Variants in ABHD6 observed in about 807,000 individuals in gnomAD.
The protein encoded by ABHD6 is abhydrolase domain containing 6, acylglycerol lipase, also known as monoacylglycerol lipase ABHD6.
ABHD6 carries 33 observed loss-of-function variants against 38.8 expected under a neutral mutation model. The ratio of observed to expected loss-of-function variants is 0.85; its 90% CI spans 0.64 to 1.14. The LOEUF (loss-of-function observed/expected upper bound fraction) is 1.14. ABHD6 is among the 50% of genes most tolerant of loss of function. The pLI is 0.00. For missense variants in ABHD6, 380 were observed against 422.6 expected (o/e 0.90, Z 0.88); for synonymous variants, 147 against 161.6 (o/e 0.91, Z 0.69).
At chr3:58,254,000 A>G (rs771409884) in intron 2 of ABHD6, among the ~76,000 whole-genome samples, 1 of 152,242 alleles carries the variant, frequency 6.6e-6, no homozygotes, top group Non-Finnish European at 1.5e-5. Context: ...TGGAGAGCTC[A>G]TATCTTCATT....
Position 58,267,142 on chromosome 3 carries a change from C to T in ABHD6, c.120-47C>T. ...CTGTGCCCATCTTGAAGCCACTCATCTAGAGCTTACTGATTTCGTTTTGTC... is the reference window on the plus strand; with the variant it reads ...CTGTGCCCATCTTGAAGCCACTCATTTAGAGCTTACTGATTTCGTTTTGTC... On this transcript the variant is annotated intron_variant, in intron 3 of 9. Transcript: ENST00000478253. The surrounding 1 kb of genome is among the most constrained non-coding windows in gnomAD (Gnocchi z 4.3). 1 of 1,603,920 alleles carries T rather than the reference C, an allele frequency of 6.2e-7. No homozygotes were observed. Among genetic ancestry groups the T allele is most frequent in the Non-Finnish European group, 8.5e-7 (1 of 1,174,220 alleles).
intron 3 of ABHD6, chr3:58,258,342 A>C (rs2097434739): frequency 2.3e-6 from 1 of 433,992 alleles, no homozygotes; most frequent in African/African-American, 2.1e-5. Flanking sequence ...AAAAGTAAAA[A>C]TAAACACAGT....
Position 58,287,396 on chromosome 3 carries a change from A to T in ABHD6, c.837+1943A>T, listed in dbSNP as rs528291925. Among the ~76,000 whole-genome samples the T allele has an allele frequency of 6.6e-6, 1 of 152,330 alleles. No homozygotes were observed. The highest frequency in any genetic ancestry group is 6.5e-5 in the Admixed American group (1 of 15,302). ...TGTGGCCACAAAGACCCACAAGTGC[A>T]TGAATGACCCAGGCAGGAGAGAGTG... On this transcript the variant is annotated intron_variant, in intron 9 of 9. Coordinates refer to ENST00000478253, the MANE Select transcript of ABHD6 (RefSeq NM_001320126.2). The surrounding 1 kb of genome is among the most constrained non-coding windows in gnomAD (Gnocchi z 4.7).
intron 9 of ABHD6, among the ~76,000 whole-genome samples, chr3:58,286,850 G>GTGTA (rs1340209757): frequency 1.4e-5 from 1 of 72,826 alleles, no homozygotes; most frequent in East Asian, 1.2e-3. Context: ...GTGTGTGTGT[G>GTGTA]TGTATATATA....
Position 58,275,049 on chromosome 3 carries a change from CA to C in ABHD6, c.681+236del, listed in dbSNP as rs2097447796. 1.3e-5 allele frequency among the ~76,000 whole-genome samples: 2 copies of C among 152,092 alleles called. 1 individual carries two copies. Among genetic ancestry groups the C allele is most frequent in the South Asian group, 4.1e-4 (2 of 4,828 alleles). ...GACACAGTCCAGTGGGGGAGGCAGA[CA>C]ATAACAAGTAAACAATGAACTACCA... On this transcript the variant is annotated intron_variant, in intron 7 of 9. Transcript: ENST00000478253.
rs1469315780 is a variant in ABHD6 at position 58,259,200 on chromosome 3, A to C, written c.119+2495A>C. 6.6e-6 allele frequency among the ~76,000 whole-genome samples: 1 copy of C among 152,216 alleles called. No homozygotes were observed. The highest frequency in any genetic ancestry group is 1.5e-5 in the Non-Finnish European group (1 of 68,030). On this transcript the variant is annotated intron_variant, in intron 3 of 9. Transcript: ENST00000478253. The surrounding 1 kb of genome is among the most constrained non-coding windows in gnomAD (Gnocchi z 4.7). ...GGTTAATTCCACCCACCTCATGTGG[A>C]AACTAGCCTCAATGCTGCATAGTCC...
chr3:58,258,715 C>G (rs1441746654), intron 3 of ABHD6: 1 of 154,490 alleles, frequency 6.5e-6, no homozygotes, highest in Non-Finnish European at 1.5e-5. Flanking sequence ...TGCCCTTTAT[C>G]TGCCCTCCTT....
intron 1 of ABHD6, among the ~76,000 whole-genome samples, chr3:58,240,386 T>G (rs1031227027): frequency 1.3e-5 from 2 of 151,872 alleles, no homozygotes; most frequent in African/African-American, 4.8e-5. Flanking sequence ...GCATGCTATG[T>G]CATACTTTTT....
At position 58,259,331 on chromosome 3, in the gene ABHD6, T is replaced by C. The variant is rs1289046594; in HGVS notation, c.119+2626T>C. On this transcript the variant is annotated intron_variant, in intron 3 of 9. Transcript: ENST00000478253. This position sits in a 1 kb window ranked among gnomAD's most constrained non-coding sequence, Gnocchi z 4.7. ...AGAAAAATAAGTTGATAGCAAATAA[T>C]TTGCTTTTTAAATTAAGTTAAAATT... Among the ~76,000 whole-genome samples, 2 of 152,212 alleles carry C rather than the reference T, an allele frequency of 1.3e-5. No individual in the cohort carries two copies. The highest frequency in any genetic ancestry group is 4.8e-5 in the African/African-American group (2 of 41,444).
chr3:58,243,313 G>T (rs1464509861), intron 1 of ABHD6, among the ~76,000 whole-genome samples: 1 of 152,120 alleles, frequency 6.6e-6, no homozygotes, highest in Non-Finnish European at 1.5e-5. Context: ...TTCCACAATG[G>T]TTGAACTAGT....
chr3:58,294,725 AGATC>A lies in ABHD6; in HGVS notation c.*961_*964del, dbSNP rs2097466213. 1 of 152,682 alleles carries A rather than the reference AGATC, an allele frequency of 6.5e-6. No individual in the cohort carries two copies. Among genetic ancestry groups the A allele is most frequent in the African/African-American group, 2.4e-5 (1 of 41,466 alleles). 9.5% of individuals were successfully genotyped at this position (152,682 alleles called of 1,614,324 possible). ...GACATGAAATAAATTTAATAAGTCT[AGATC>A]AGCAACATGCAGGTGGTTTCTATTT... On this transcript the variant is annotated 3_prime_UTR_variant, in exon 10 of 10. Transcript: ENST00000478253.
chr3:58,272,188 T>C (rs1262326272), intron 6 of ABHD6, among the ~76,000 whole-genome samples: 1 of 152,124 alleles, frequency 6.6e-6, no homozygotes, highest in African/African-American at 2.4e-5. Context: ...CTCAATGACT[T>C]TTTACGTATG....
Position 58,269,332 on chromosome 3 carries a change from G to A in ABHD6, c.288G>A (p.Lys96=). The A allele has an allele frequency of 6.2e-7, 1 of 1,613,700 alleles. No homozygotes were observed. Among genetic ancestry groups the A allele is most frequent in the Non-Finnish European group, 8.5e-7 (1 of 1,179,728 alleles). ...MWLSVVKFLP[K]NLHLVCVDMP... Reference sequence around the variant, plus strand: ...CTGTGTGTCCTCAGTTCCTTCCAAAGAACCTGCACTTGGTCTGCGTGGACA... The same window carrying A: ...CTGTGTGTCCTCAGTTCCTTCCAAAAAACCTGCACTTGGTCTGCGTGGACA... The change falls in exon 5 of 10, where the codon AAG becomes AAA. Residue 96 remains lysine (K), a synonymous_variant. Coordinates refer to ENST00000478253, the MANE Select transcript of ABHD6 (RefSeq NM_001320126.2). This position sits in a 1 kb window ranked among gnomAD's most constrained non-coding sequence, Gnocchi z 4.4.
At chr3:58,241,672 A>G (rs1183548879) in intron 1 of ABHD6, among the ~76,000 whole-genome samples, 1 of 152,206 alleles carries the variant, frequency 6.6e-6, no homozygotes, top group African/African-American at 2.4e-5. Flanking sequence ...TTCTGAGAGT[A>G]TAAAGATGGC....
At chr3:58,282,217 G>GCCAGGAA (rs199672069) in intron 7 of ABHD6, among the ~76,000 whole-genome samples, 2,027 of 152,290 alleles carry the variant, frequency 0.013, 54 homozygotes, top group African/African-American at 0.046. Context: ...ACGGAAAGGA[G>GCCAGGAA]CCAGGAGTTT....
intron 9 of ABHD6, among the ~76,000 whole-genome samples, chr3:58,292,444 A>G (rs1228198817): frequency 6.6e-6 from 1 of 152,184 alleles, no homozygotes; most frequent in East Asian, 1.9e-4. Context: ...TGTTGGGGAA[A>G]AAGATGGAGG....
rs980753069 is a variant in ABHD6 at position 58,239,269 on chromosome 3, A to G, written c.-91+1353A>G. The stretch of plus-strand genomic sequence containing the variant: ...CTAATTTGTTTTTCTCAGACCAGCA[A>G]GGGCCTCTCAGCTTCTGGTAATAGT... On this transcript the variant is annotated intron_variant, in intron 1 of 9. Transcript: ENST00000478253. 2.0e-5 allele frequency among the ~76,000 whole-genome samples: 3 copies of G among 152,222 alleles called. No homozygotes were observed. In the South Asian group the frequency reaches 6.2e-4, roughly 31 times the overall value.
At position 58,256,751 on chromosome 3, in the gene ABHD6, G is replaced by T; in HGVS notation, c.119+46G>T. The T allele has an allele frequency of 7.1e-7, 1 of 1,403,208 alleles. No homozygotes were observed. The highest frequency in any genetic ancestry group is 1.2e-5 in the South Asian group (1 of 84,402). The allele number at this position is 1,403,208 out of a possible 1,614,324, so 86.9% of individuals were successfully genotyped here. On this transcript the variant is annotated intron_variant, in intron 3 of 9. Transcript: ENST00000478253. The surrounding 1 kb of genome is among the most constrained non-coding windows in gnomAD (Gnocchi z 4.3). Reference sequence around the variant, plus strand: ...ATGTTTTCAAGAGTATCATAATATTGACATCTTCTCTGCTTGTCCTTTTTG... The same window carrying T: ...ATGTTTTCAAGAGTATCATAATATTTACATCTTCTCTGCTTGTCCTTTTTG...
chr3:58,291,042 GGTTGTAGCGA>G (rs2097462313), intron 9 of ABHD6, among the ~76,000 whole-genome samples: 1 of 150,796 alleles, frequency 6.6e-6, no homozygotes, highest in African/African-American at 2.4e-5. Context: ...GGGAGGTGGA[GGTTGTAGCGA>G]GCCGAGATCA....
Sources: gnomAD v4.1 joint callset for allele counts (sites outside exome capture counted in the v4.1 genomes callset) on GRCh38, gnomAD v4.1.1 for gene constraint, Gnocchi (gnomAD v3.1) non-coding constraint, MANE v1.5 for transcripts, NCBI Gene and HGNC (gene_info 2026-07-23, HGNC 2026-07-21) for gene names.